The following SLC35F1 variants were observed in gnomAD, a reference collection of about 807,000 sequenced individuals.
SLC35F1 encodes the protein solute carrier family 35 member F1.
Under a neutral mutation model 48.7 loss-of-function variants are expected in SLC35F1, and 14 were observed. The observed-to-expected ratio is 0.29, with a 90% CI of 0.19 to 0.45. SLC35F1 has a LOEUF of 0.45. Among genes scored for constraint, SLC35F1 ranks in the 20% least tolerant of loss-of-function variants. The pLI is 1.00. For synonymous variants in SLC35F1, 190 were observed against 202.2 expected (o/e 0.94, Z 0.51); for missense variants, 404 against 500.0 (o/e 0.81, Z 1.83).
chr6:118,178,144 CTGGGA>C (rs1317858899), intron 2 of SLC35F1, among the ~76,000 whole-genome samples: 1 of 152,082 alleles, frequency 6.6e-6, no homozygotes, highest in East Asian at 1.9e-4. Flanking sequence ...GTTCAAATTC[CTGGGA>C]TCGCTGCACT....
chr6:118,052,314 G>T (rs943246437), intron 1 of SLC35F1, among the ~76,000 whole-genome samples: 2 of 152,086 alleles, frequency 1.3e-5, no homozygotes, highest in African/African-American at 4.8e-5. Flanking sequence ...AATTTAAAAA[G>T]CAAGAAGTCC....
intron 1 of SLC35F1, among the ~76,000 whole-genome samples, chr6:118,038,318 A>G (rs1022476228): frequency 3.3e-5 from 5 of 151,672 alleles, no homozygotes; most frequent in Admixed American, 6.6e-5. Flanking sequence ...TTTTTCTCAT[A>G]TTATTTCTCT....
intron 1 of SLC35F1, among the ~76,000 whole-genome samples, chr6:118,152,219 A>C (rs1213390557): frequency 6.6e-6 from 1 of 152,184 alleles, no homozygotes; most frequent in African/African-American, 2.4e-5. Context: ...TAACTTATAC[A>C]AGGGAATGCA....
At chr6:118,130,491 C>G (rs1773694761) in intron 1 of SLC35F1, among the ~76,000 whole-genome samples, 1 of 151,852 alleles carries the variant, frequency 6.6e-6, no homozygotes, top group Non-Finnish European at 1.5e-5. Context: ...AACAAACGAA[C>G]AAACAAACAA....
intron 1 of SLC35F1, among the ~76,000 whole-genome samples, chr6:118,148,229 C>T (rs903588450): frequency 3.9e-5 from 6 of 152,222 alleles, no homozygotes; most frequent in African/African-American, 1.4e-4. Context: ...AGTTGATGTG[C>T]TGTAATTCAA....
intron 1 of SLC35F1, among the ~76,000 whole-genome samples, chr6:118,083,188 T>C (rs1202176597): frequency 1.3e-5 from 2 of 152,216 alleles, no homozygotes; most frequent in Admixed American, 1.3e-4. Context: ...GTGTTTCTAA[T>C]GGCCCATTGG....
intron 3 of SLC35F1, among the ~76,000 whole-genome samples, chr6:118,250,900 G>A (rs548273719): frequency 1.3e-5 from 2 of 152,144 alleles, no homozygotes; most frequent in African/African-American, 2.4e-5. Context: ...AGGAAGCAGA[G>A]GTTGCAGTGA....
At chr6:118,199,654 T>A (rs997540133) in intron 2 of SLC35F1, among the ~76,000 whole-genome samples, 1 of 152,180 alleles carries the variant, frequency 6.6e-6, no homozygotes, top group Non-Finnish European at 1.5e-5. Flanking sequence ...TGAAGTAAAT[T>A]CACATATGGT....
In SLC35F1 at chr6:117,923,700, C is replaced by T. The variant is rs9401035; in HGVS notation, c.173+15801C>T. Among the ~76,000 whole-genome samples the T allele has an allele frequency of 7.8e-3, 45 of 5,790 alleles. 1 individual carries two copies. Among genetic ancestry groups the T allele is most frequent in the East Asian group, 0.03 (4 of 132 alleles). 3.8% of individuals were successfully genotyped at this position (5,790 alleles called of 152,430 possible). ...GTACATATATACATATGTACATATA[C>T]ATATATGTACATATATACATATATA... On this transcript the variant is annotated intron_variant, in intron 1 of 7. Transcript: ENST00000360388.
chr6:118,263,059 TG>T (rs1187865091), intron 3 of SLC35F1, among the ~76,000 whole-genome samples: 1 of 152,196 alleles, frequency 6.6e-6, no homozygotes, highest in Non-Finnish European at 1.5e-5. Flanking sequence ...TGTTTTGTTC[TG>T]TTTTGTTTTG....
chr6:118,244,941 A>G (rs540402982), intron 3 of SLC35F1, among the ~76,000 whole-genome samples: 1 of 152,240 alleles, frequency 6.6e-6, no homozygotes, highest in Non-Finnish European at 1.5e-5. Context: ...AAGGCAACAC[A>G]AGTGACCTCT....
At chr6:118,023,602 G>T (rs1301450934) in intron 1 of SLC35F1, among the ~76,000 whole-genome samples, 1 of 152,124 alleles carries the variant, frequency 6.6e-6, no homozygotes, top group Admixed American at 6.5e-5. Flanking sequence ...TTTAAGGACT[G>T]GCCCTCACTA....
At chr6:118,266,116 A>G (rs929751061) in intron 3 of SLC35F1, among the ~76,000 whole-genome samples, 10 of 152,204 alleles carry the variant, frequency 6.6e-5, no homozygotes, top group Admixed American at 2.0e-4. Flanking sequence ...ACTAACAGAA[A>G]TTTGAGGCTC....
intron 1 of SLC35F1, among the ~76,000 whole-genome samples, chr6:117,915,626 G>A (rs1422500423): frequency 3.3e-5 from 5 of 152,164 alleles, no homozygotes; most frequent in Admixed American, 2.6e-4. Context: ...ATTAAGGCTA[G>A]ATTTGTAGGA....
chr6:118,272,520 C>T (rs1775864793), intron 4 of SLC35F1, among the ~76,000 whole-genome samples: 1 of 151,904 alleles, frequency 6.6e-6, no homozygotes, highest in South Asian at 2.1e-4. Flanking sequence ...TGTGCATAAA[C>T]TATGTTAATA....
intron 1 of SLC35F1, among the ~76,000 whole-genome samples, chr6:118,064,395 C>T (rs1014534578): frequency 6.6e-6 from 1 of 152,198 alleles, no homozygotes; most frequent in African/African-American, 2.4e-5. Context: ...ATTACTTTTA[C>T]ATCATATCCT....
At chr6:118,210,452 A>G (rs1774988134) in intron 2 of SLC35F1, among the ~76,000 whole-genome samples, 2 of 152,222 alleles carry the variant, frequency 1.3e-5, no homozygotes, top group Non-Finnish European at 2.9e-5. Context: ...CAAAACAGCA[A>G]AAAAGAAACG....
chr6:117,995,963 G>A (rs1325181479), intron 1 of SLC35F1, among the ~76,000 whole-genome samples: 1 of 152,100 alleles, frequency 6.6e-6, no homozygotes, highest in Non-Finnish European at 1.5e-5. Flanking sequence ...AATTGTCAAT[G>A]AAATAAAATT....
intron 1 of SLC35F1, among the ~76,000 whole-genome samples, chr6:118,140,370 G>A (rs572346259): frequency 1.3e-5 from 2 of 152,176 alleles, no homozygotes; most frequent in Non-Finnish European, 2.9e-5. Flanking sequence ...ACCTAGAGAC[G>A]TTGTAGACTT....
Sources: allele counts gnomAD v4.1 joint callset (sites outside exome capture counted in the v4.1 genomes callset), GRCh38; gene constraint gnomAD v4.1.1; transcripts MANE v1.5; gene names NCBI Gene and HGNC (gene_info 2026-07-23, HGNC 2026-07-21).